AFG2A: variants seen among roughly 807,000 people sequenced by gnomAD.
AFG2A encodes ATPase family gene 2 protein homolog A.
the AFG2A span, among the ~76,000 whole-genome samples, chr4:123,006,787 T>C: frequency 6.6e-6 from 1 of 152,176 alleles, no homozygotes; most frequent in Non-Finnish European, 1.5e-5. Flanking sequence ...TAACTTCTAA[T>C]GTCCTTGTCT....
chr4:123,103,559 T>C, the AFG2A span, among the ~76,000 whole-genome samples: 1 of 152,128 alleles, frequency 6.6e-6, no homozygotes, highest in African/African-American at 2.4e-5. Context: ...GCTTTATTCA[T>C]AATTTAAGTG....
chr4:123,026,752 G>A, the AFG2A span, among the ~76,000 whole-genome samples: 11 of 152,084 alleles, frequency 7.2e-5, no homozygotes, highest in African/African-American at 2.2e-4. Context: ...ATACATACTT[G>A]TAAAGAAATT....
At chr4:123,049,133 C>T in the AFG2A span, among the ~76,000 whole-genome samples, 2 of 152,002 alleles carry the variant, frequency 1.3e-5, no homozygotes, top group African/African-American at 4.8e-5. Context: ...TGGTTTTTGT[C>T]CTTGATTCTG....
At chr4:123,213,446 T>C in the AFG2A span, among the ~76,000 whole-genome samples, 3 of 152,172 alleles carry the variant, frequency 2.0e-5, no homozygotes, top group Non-Finnish European at 4.4e-5. Context: ...ACTACAAATA[T>C]ATTTTTAATT....
At chr4:123,161,332 G>A in the AFG2A span, among the ~76,000 whole-genome samples, 1 of 152,138 alleles carries the variant, frequency 6.6e-6, no homozygotes, top group Non-Finnish European at 1.5e-5. Context: ...TGATGACAAG[G>A]AAGCATGAAA....
the AFG2A span, chr4:123,314,892 A>T: frequency 6.6e-6 from 1 of 151,154 alleles, no homozygotes; most frequent in Admixed American, 6.6e-5. Flanking sequence ...AGTAGCTGGG[A>T]CTACAGGTGT....
chr4:123,290,595 T>C, the AFG2A span, among the ~76,000 whole-genome samples: 1 of 152,210 alleles, frequency 6.6e-6, no homozygotes, highest in Non-Finnish European at 1.5e-5. Flanking sequence ...CACAGTTCCA[T>C]GTGGCTGAGG....
At chr4:123,109,182 A>ACC in the AFG2A span, among the ~76,000 whole-genome samples, 1 of 152,198 alleles carries the variant, frequency 6.6e-6, no homozygotes, top group Admixed American at 6.5e-5. Context: ...TTTGCTTGTT[A>ACC]GACAATTAGA....
At chr4:123,145,547 A>G in the AFG2A span, among the ~76,000 whole-genome samples, 1 of 152,160 alleles carries the variant, frequency 6.6e-6, no homozygotes, top group East Asian at 1.9e-4. Flanking sequence ...TCTGAAGTTT[A>G]GGGAATTTAA....
the AFG2A span, among the ~76,000 whole-genome samples, chr4:123,075,474 T>A: frequency 3.3e-4 from 50 of 151,976 alleles, no homozygotes; most frequent in Middle Eastern, 3.4e-3. Flanking sequence ...AATTTTTGTA[T>A]TTTTTAGTAA....
chr4:123,286,096 A>G, the AFG2A span, among the ~76,000 whole-genome samples: 5 of 152,194 alleles, frequency 3.3e-5, no homozygotes, highest in Non-Finnish European at 7.4e-5. Flanking sequence ...CCCCAAGAGC[A>G]TAGAACAAGG....
chr4:123,269,182 A>C, the AFG2A span, among the ~76,000 whole-genome samples: 1 of 152,232 alleles, frequency 6.6e-6, no homozygotes, highest in Non-Finnish European at 1.5e-5. Context: ...TAATAGCAGA[A>C]TCTTTCCCCT....
At chr4:123,124,188 C>T in the AFG2A span, among the ~76,000 whole-genome samples, 11 of 152,056 alleles carry the variant, frequency 7.2e-5, no homozygotes, top group East Asian at 1.9e-4. Context: ...CACATGCACA[C>T]GTATGTTTAT....
At chr4:123,124,835 A>G in the AFG2A span, among the ~76,000 whole-genome samples, 1 of 152,228 alleles carries the variant, frequency 6.6e-6, no homozygotes, top group Non-Finnish European at 1.5e-5. Context: ...GAATGAATGA[A>G]TTGAAATCTA....
At chr4:123,105,872 A>C in the AFG2A span, among the ~76,000 whole-genome samples, 1 of 152,230 alleles carries the variant, frequency 6.6e-6, no homozygotes. Flanking sequence ...AGATGCTGTG[A>C]ATATTGTTGA....
At chr4:123,003,399 A>C in the AFG2A span, among the ~76,000 whole-genome samples, 2 of 152,010 alleles carry the variant, frequency 1.3e-5, no homozygotes, top group Non-Finnish European at 2.9e-5. Flanking sequence ...TAGAGTTTCC[A>C]GTTTTTCTGC....
At chr4:122,992,234 T>G in the AFG2A span, among the ~76,000 whole-genome samples, 2 of 152,254 alleles carry the variant, frequency 1.3e-5, no homozygotes, top group African/African-American at 2.4e-5. Flanking sequence ...TTTTTTTTCT[T>G]TATTTTCCTG....
At chr4:123,181,630 A>T in the AFG2A span, among the ~76,000 whole-genome samples, 1 of 152,004 alleles carries the variant, frequency 6.6e-6, no homozygotes, top group East Asian at 1.9e-4. Context: ...AATAAATAAT[A>T]ATAAATTAAT....
chr4:123,194,277 C>T, the AFG2A span, among the ~76,000 whole-genome samples: 1 of 152,134 alleles, frequency 6.6e-6, no homozygotes, highest in Non-Finnish European at 1.5e-5. Context: ...GGTCTTGGGC[C>T]ACACATAAAA....
Sources: gnomAD v4.1 joint callset for allele counts (sites outside exome capture counted in the v4.1 genomes callset) on GRCh38, gnomAD v4.1.1 for gene constraint, MANE v1.5 for transcripts, NCBI Gene and HGNC (gene_info 2026-07-23, HGNC 2026-07-21) for gene names.